Variants in SDK1 observed in about 807,000 individuals in gnomAD.
SDK1 encodes sidekick cell adhesion molecule 1, also known as protein sidekick-1.
In SDK1, 157 loss-of-function variants were observed where a neutral mutation model predicts 245.5. The ratio of observed to expected loss-of-function variants is 0.64; its 90% CI spans 0.56 to 0.73. The LOEUF is 0.73. SDK1 is among the 30% of genes least tolerant of loss of function. SDK1 has a pLI of 0.00. For synonymous variants in SDK1, 1,647 were observed against 1,278.5 expected (o/e 1.29, Z -6.15); for missense variants, 3,583 against 3,002.3 (o/e 1.19, Z -4.52).
intron 5 of SDK1, among the ~76,000 whole-genome samples, chr7:3,827,206 G>A (rs745584870): frequency 5.3e-5 from 8 of 152,212 alleles, no homozygotes; most frequent in Non-Finnish European, 1.2e-4. Context: ...TCCCAAAGCA[G>A]CAGTCACTGG....
chr7:3,724,410 A>G (rs988513266), intron 4 of SDK1, among the ~76,000 whole-genome samples: 1 of 152,096 alleles, frequency 6.6e-6, no homozygotes, highest in African/African-American at 2.4e-5. Context: ...CTGTCTGTAC[A>G]AAACATAAAT....
intron 1 of SDK1, among the ~76,000 whole-genome samples, chr7:3,327,120 C>G (rs1268768629): frequency 6.6e-6 from 1 of 152,090 alleles, no homozygotes; most frequent in Non-Finnish European, 1.5e-5. Context: ...AGCGTTTGGT[C>G]CTGGGTGTGA....
intron 5 of SDK1, among the ~76,000 whole-genome samples, chr7:3,914,039 C>T (rs1779281376): frequency 6.6e-6 from 1 of 152,192 alleles, no homozygotes; most frequent in East Asian, 1.9e-4. Context: ...GAAGCATCTA[C>T]TCCAGATGTT....
At chr7:3,474,096 T>G (rs1249562763) in intron 1 of SDK1, among the ~76,000 whole-genome samples, 4 of 117,622 alleles carry the variant, frequency 3.4e-5, no homozygotes, top group Admixed American at 8.4e-5. Context: ...ATGGTGTTTT[T>G]TTTTTTTTTT....
At chr7:4,064,065 A>G (rs1779715861) in intron 19 of SDK1, among the ~76,000 whole-genome samples, 3 of 152,224 alleles carry the variant, frequency 2.0e-5, no homozygotes, top group South Asian at 4.1e-4. Context: ...CAACAAAACC[A>G]AAAATAGACA....
In SDK1 at chr7:3,419,233, G is replaced by A. The variant is rs548506435; in HGVS notation, c.298+117349G>A. ...GGAACCTGAAGCTCACAGAGCTTAA[G>A]GACTTTGCCCGAAGTGGCAGAATTG... On this transcript the variant is annotated intron_variant, in intron 1 of 44. Transcript: ENST00000404826. 6.6e-5 allele frequency among the ~76,000 whole-genome samples: 10 copies of A among 152,334 alleles called. 1 individual carries two copies. In the South Asian group the frequency reaches 1.5e-3, roughly 22 times the overall value.
chr7:3,775,139 G>A (rs574748387), intron 4 of SDK1, among the ~76,000 whole-genome samples: 2 of 152,280 alleles, frequency 1.3e-5, no homozygotes, highest in South Asian at 4.1e-4. Context: ...AATTACTTGG[G>A]TCATTGTTCT....
intron 13 of SDK1, among the ~76,000 whole-genome samples, chr7:3,981,144 A>G (rs932141169): frequency 7.2e-5 from 11 of 152,148 alleles, no homozygotes; most frequent in African/African-American, 2.4e-4. Flanking sequence ...CATTTTGGGA[A>G]TTCTCACAAT....
intron 28 of SDK1, 54 bp downstream of exon 28, chr7:4,132,477 C>G: frequency 7.7e-7 from 1 of 1,291,810 alleles, no homozygotes; most frequent in African/African-American, 1.5e-5. Flanking sequence ...ATCCCAGCAC[C>G]TTGGGAGACC....
intron 22 of SDK1, among the ~76,000 whole-genome samples, chr7:4,101,100 C>T (rs1379329266): frequency 7.9e-5 from 12 of 152,080 alleles, no homozygotes; most frequent in Admixed American, 7.2e-4. Context: ...AACAGCTGGG[C>T]AGCCCTGACC....
chr7:3,466,191 G>A (rs1780995255), intron 1 of SDK1, among the ~76,000 whole-genome samples: 1 of 151,680 alleles, frequency 6.6e-6, no homozygotes, highest in African/African-American at 2.4e-5. Context: ...GCCTTTCATC[G>A]AGTTATTGGA....
intron 1 of SDK1, among the ~76,000 whole-genome samples, chr7:3,407,069 C>G (rs1282649132): frequency 6.6e-6 from 1 of 152,198 alleles, no homozygotes; most frequent in Non-Finnish European, 1.5e-5. Flanking sequence ...CAGAATTGCT[C>G]TGTCTCTCCC....
intron 20 of SDK1, 66 bp downstream of exon 20, chr7:4,068,002 A>T (rs1780008215): frequency 3.4e-6 from 4 of 1,167,084 alleles, no homozygotes; most frequent in Non-Finnish European, 5.0e-6. Flanking sequence ...AGTGGCTGTC[A>T]CTTCAAACCA....
chr7:3,821,673 A>C (rs533626663), intron 5 of SDK1, 90 bp downstream of exon 5: 4 of 1,424,364 alleles, frequency 2.8e-6, no homozygotes, highest in South Asian at 2.6e-5. Context: ...TTTTGCAATA[A>C]ATTTTCTCTC....
intron 35 of SDK1, among the ~76,000 whole-genome samples, chr7:4,195,438 C>T (rs1339344498): frequency 2.0e-5 from 3 of 152,172 alleles, no homozygotes; most frequent in African/African-American, 7.2e-5. Context: ...TTCCCCGTCC[C>T]TCCCCCACGT....
At chr7:3,974,742 G>C in intron 13 of SDK1, 197 bp downstream of exon 13, 2 of 533,898 alleles carry the variant, frequency 3.7e-6, no homozygotes, top group Non-Finnish European at 6.6e-6. Context: ...GAATTGAGAA[G>C]TTTCGTTTTT....
intron 1 of SDK1, among the ~76,000 whole-genome samples, chr7:3,610,372 A>G (rs1016745081): frequency 7.2e-5 from 11 of 152,230 alleles, no homozygotes; most frequent in Non-Finnish European, 1.3e-4. Context: ...ATATTGTGCC[A>G]TATTCAAGAA....
intron 1 of SDK1, among the ~76,000 whole-genome samples, chr7:3,488,955 T>G (rs897918048): frequency 6.6e-6 from 1 of 151,932 alleles, no homozygotes; most frequent in South Asian, 2.1e-4. Context: ...GAAGTTTCTC[T>G]TAGATCCACA....
chr7:3,504,176 A>ATGTG (rs1453810894), intron 1 of SDK1, among the ~76,000 whole-genome samples: 22 of 58,326 alleles, frequency 3.8e-4, no homozygotes, highest in African/African-American at 1.2e-3. Context: ...AATTATATAT[A>ATGTG]TATATATGTG....
Sources: allele counts gnomAD v4.1 joint callset (sites outside exome capture counted in the v4.1 genomes callset), GRCh38; gene constraint gnomAD v4.1.1; transcripts MANE v1.5; gene names NCBI Gene and HGNC (gene_info 2026-07-23, HGNC 2026-07-21).